Variants in ATL3 observed in about 807,000 individuals in gnomAD.
ATL3 encodes the protein atlastin-3.
A neutral mutation model predicts 69.5 loss-of-function variants in ATL3; 49 were observed. The ratio of observed to expected loss-of-function variants is 0.71; its 90% CI spans 0.56 to 0.89. The LOEUF is 0.89. Ranked by LOEUF, ATL3 falls within the 40% of genes least tolerant of loss-of-function variation. The pLI is 0.00. For synonymous variants in ATL3, 214 were observed against 224.1 expected (o/e 0.95, Z 0.40); for missense variants, 606 against 645.7 (o/e 0.94, Z 0.67).
chr11:63,632,286 A>T, intron 11 of ATL3: 1 of 765,652 alleles, frequency 1.3e-6, no homozygotes, highest in Non-Finnish European at 2.4e-6. Flanking sequence ...ATGGCTGTAT[A>T]GCTCACTGTG....
upstream of ATL3, chr11:63,671,566 G>A: frequency 4.2e-6 from 6 of 1,424,514 alleles, no homozygotes; most frequent in Non-Finnish European, 5.5e-6. Context: ...GGCGAGGCGG[G>A]GCGGGAAAGC....
intron 5 of ATL3, chr11:63,650,894 T>C (rs1014494661): frequency 6.6e-6 from 1 of 152,222 alleles, no homozygotes; most frequent in Non-Finnish European, 1.5e-5. Context: ...GAACTACCAA[T>C]TATGAAGTAC....
chr11:63,657,857 CTTTT>C (rs1174775895), intron 3 of ATL3, among the ~76,000 whole-genome samples: 1 of 136,512 alleles, frequency 7.3e-6, no homozygotes, highest in East Asian at 2.1e-4. Context: ...ATGCCATTGG[CTTTT>C]TTTTTTTTTT....
In ATL3 at chr11:63,659,174, T is replaced by C; in HGVS notation, c.125A>G (p.Asp42Gly). ...VQKDQHSFEL[D>G]EKALASILLQ... is the part of the protein sequence containing the mutation. ...GAGGATGCTGGCCAAGGCTTTCTCA[T>C]CTAGCTCAAAGGAATGTTGATCTTT... The change falls in exon 2 of 13, where the codon GAT becomes GGT. Residue 42 changes from aspartate to glycine, a missense_variant. Coordinates refer to ENST00000398868, the MANE Select transcript of ATL3 (RefSeq NM_015459.5). 1 of 1,614,162 alleles carries C rather than the reference T, an allele frequency of 6.2e-7. No homozygotes were observed. Among genetic ancestry groups the C allele is most frequent in the African/African-American group, 1.3e-5 (1 of 75,028 alleles).
chr11:63,633,107 G>C lies in ATL3; in HGVS notation c.1036-10C>G, dbSNP rs758013424. 14 of 1,612,134 alleles carry C rather than the reference G, an allele frequency of 8.7e-6. No individual in the cohort carries two copies. Among genetic ancestry groups the C allele is most frequent in the Admixed American group, 3.3e-5 (2 of 59,984 alleles). On this transcript the variant is annotated splice_polypyrimidine_tract_variant and intron_variant, in intron 10 of 12. Transcript: ENST00000398868. ...TGGCTTCAGCAGTGGCCTTTTAAGA[G>C]AGAAAAACGTGAACTGTAAATCCTT... is the stretch of plus-strand genomic sequence containing the variant.
At chr11:63,630,787 C>T (rs538188968) in intron 12 of ATL3, among the ~76,000 whole-genome samples, 2 of 118,560 alleles carry the variant, frequency 1.7e-5, no homozygotes, top group Admixed American at 1.0e-4. Context: ...GAGAGCACAG[C>T]GAGACTTTGT....
intron 8 of ATL3, among the ~76,000 whole-genome samples, chr11:63,639,951 A>C (rs1295334742): frequency 6.6e-6 from 1 of 151,178 alleles, no homozygotes; most frequent in Non-Finnish European, 1.5e-5. Flanking sequence ...TTTTTGGGAC[A>C]GAGTTTCGCT....
intron 10 of ATL3, among the ~76,000 whole-genome samples, chr11:63,634,305 G>T (rs577248424): frequency 1.3e-5 from 2 of 151,764 alleles, no homozygotes; most frequent in Non-Finnish European, 2.9e-5. Flanking sequence ...AGGAGATCGA[G>T]ATCATCCTGG....
At chr11:63,669,856 G>C (rs1188032126) in intron 1 of ATL3, among the ~76,000 whole-genome samples, 1 of 152,120 alleles carries the variant, frequency 6.6e-6, no homozygotes, top group East Asian at 1.9e-4. Context: ...GCTGACGCAG[G>C]AGAATCATTT....
intron 3 of ATL3, among the ~76,000 whole-genome samples, chr11:63,656,346 T>A (rs2134517329): frequency 6.6e-6 from 1 of 151,996 alleles, no homozygotes; most frequent in Admixed American, 6.6e-5. Flanking sequence ...AAAATAAAAT[T>A]TTTTTTAATT....
chr11:63,667,763 CAAAAA>C (rs35015200), intron 1 of ATL3, among the ~76,000 whole-genome samples: 3 of 99,566 alleles, frequency 3.0e-5, no homozygotes, highest in African/African-American at 3.8e-5. Flanking sequence ...GACTCTGTAT[CAAAAA>C]AAAAAAAAAA....
rs1939137859 is a variant in ATL3 at position 63,627,088 on chromosome 11, C to G, written c.*2231G>C. 6.6e-6 allele frequency: 1 copy of G among 151,942 alleles called. No homozygotes were observed. The highest frequency in any genetic ancestry group is 2.1e-4 in the South Asian group (1 of 4,820). The allele number at this position is 151,942 out of a possible 1,614,324, so 9.4% of individuals were successfully genotyped here. A position where few individuals can be genotyped will look rare whatever the true frequency, so the allele number is the denominator to read the frequency against. On this transcript the variant is annotated 3_prime_UTR_variant, in exon 13 of 13. Coordinates refer to ENST00000398868, the MANE Select transcript of ATL3 (RefSeq NM_015459.5). ...ACATTATCACTTTTTTTAAAGTGACCTAATACTTTAGTATGAGTTTTCGAC... is the reference window on the plus strand; with the variant it reads ...ACATTATCACTTTTTTTAAAGTGACGTAATACTTTAGTATGAGTTTTCGAC...
chr11:63,664,238 T>C (rs1273463429), intron 1 of ATL3, among the ~76,000 whole-genome samples: 1 of 152,190 alleles, frequency 6.6e-6, no homozygotes, highest in Non-Finnish European at 1.5e-5. Flanking sequence ...TATTTCACTA[T>C]TAAAAGTTTA....
chr11:63,636,239 C>A lies in ATL3; in HGVS notation c.946G>T (p.Val316Phe). 6 of 1,614,120 alleles carry A rather than the reference C, an allele frequency of 3.7e-6. No individual in the cohort carries two copies. Among genetic ancestry groups the A allele is most frequent in the Non-Finnish European group, 5.1e-6 (6 of 1,180,020 alleles). ...LMEKEINGSK[V>F]TCRGLLEYFK... ...TACTCCAGTAGTCCCCGACAGGTGA[C>A]CTTTGAGCCATTGATCTCCTTTTCC... Residue 316 changes from valine (V) to phenylalanine (F), a missense_variant, in exon 9 of 13, where the codon GTC becomes TTC. Transcript: ENST00000398868.
chr11:63,632,315 G>A, intron 11 of ATL3: 1 of 787,880 alleles, frequency 1.3e-6, no homozygotes, highest in South Asian at 1.3e-5. Flanking sequence ...TACGTTGGTG[G>A]TGTTGTCATG....
chr11:63,643,535 T>C (rs1464323405), intron 7 of ATL3, 40 bp from the exon 8 acceptor site: 5 of 1,581,648 alleles, frequency 3.2e-6, no homozygotes, highest in South Asian at 1.2e-5. Flanking sequence ...CAAAAGTCAT[T>C]TGGTTTTCTT....
chr11:63,643,322 C>G lies in ATL3; in HGVS notation c.850+35G>C, dbSNP rs762792766. On this transcript the variant is annotated intron_variant, in intron 8 of 12. Coordinates refer to ENST00000398868, the MANE Select transcript of ATL3 (RefSeq NM_015459.5). Reference sequence around the variant, plus strand: ...ATTCATTATTTTTAATTCCAAAGATCGAATCACAGGTTTAAAATAACACCT... The same window carrying G: ...ATTCATTATTTTTAATTCCAAAGATGGAATCACAGGTTTAAAATAACACCT... The G allele has an allele frequency of 1.7e-5, 26 of 1,535,344 alleles. No individual in the cohort carries two copies. The Admixed American group carries it at 5.4e-4, about 32-fold the overall frequency.
rs1940343471 is a variant in ATL3, at chr11:63,659,052, A to T, written c.247T>A (p.Tyr83Asn). Residue 83 changes from tyrosine (Y) to asparagine (N), a missense_variant, in exon 2 of 13, where the codon TAC becomes AAC. By Grantham distance (143) the Tyr-to-Asn change is moderately radical (BLOSUM62 -2). Transcript: ENST00000398868. Reference sequence around the variant, plus strand: ...TTCTATCTTACCTGAGAATATAAGTATCGTAGCATAAAATCCAGAATGAAG... The same window carrying T: ...TTCTATCTTACCTGAGAATATAAGTTTCGTAGCATAAAATCCAGAATGAAG... ...KSFILDFMLR[Y>N]LYSQKESGHS... The T allele has an allele frequency of 6.2e-7, 1 of 1,614,138 alleles. No homozygotes were observed. Among genetic ancestry groups the T allele is most frequent in the Admixed American group, 1.7e-5 (1 of 60,022 alleles).
intron 5 of ATL3, among the ~76,000 whole-genome samples, chr11:63,647,359 A>C (rs528607811): frequency 4.1e-4 from 63 of 152,054 alleles, no homozygotes; most frequent in Non-Finnish European, 8.1e-4. Flanking sequence ...ACACCTGGCT[A>C]ATTTTGTATT....
Sources: gnomAD v4.1 joint callset for allele counts (sites outside exome capture counted in the v4.1 genomes callset) on GRCh38, gnomAD v4.1.1 for gene constraint, MANE v1.5 for transcripts, NCBI Gene and HGNC (gene_info 2026-07-23, HGNC 2026-07-21) for gene names.